The following MSN variants were observed in gnomAD, a reference collection of about 807,000 sequenced individuals.
The protein encoded by MSN is epididymis luminal protein 70.
A neutral mutation model predicts 48.0 loss-of-function variants in MSN; 2 were observed. The ratio of observed to expected loss-of-function variants is 0.04; its 90% CI spans 0.02 to 0.13. The LOEUF (loss-of-function observed/expected upper bound fraction) is 0.13. MSN is among the 10% of genes least tolerant of loss of function. The probability of loss-of-function intolerance (pLI) is 1.00; values close to 1 mark genes in which losing one functional copy is unlikely to be tolerated. For missense variants in MSN, 267 were observed against 470.1 expected (o/e 0.57, Z 3.99); for synonymous variants, 146 against 166.9 (o/e 0.87, Z 0.97).
At chrX:65,603,132 A>G (rs765426629) in intron 1 of MSN, among the ~76,000 whole-genome samples, 1 of 111,686 alleles carries the variant, frequency 9.0e-6, no homozygotes, top group Non-Finnish European at 1.9e-5. Flanking sequence ...CGTCTCTACT[A>G]AAAATACAAA....
chrX:65,721,556 CT>C (rs1339442966), intron 2 of MSN, among the ~76,000 whole-genome samples: 2,941 of 104,213 alleles, frequency 0.028, 101 homozygotes, highest in African/African-American at 0.096. Context: ...GACAGTAAAC[CT>C]TTTTTTTTTT....
At chrX:65,668,409 A>G (rs1271166971) in intron 1 of MSN, among the ~76,000 whole-genome samples, 1 of 111,704 alleles carries the variant, frequency 9.0e-6, no homozygotes, top group Non-Finnish European at 1.9e-5. Context: ...GGAAATCGTC[A>G]TCGAGGCTGC....
At chrX:65,688,702 C>G (rs147982913) in intron 1 of MSN, among the ~76,000 whole-genome samples, 4 of 111,934 alleles carry the variant, frequency 3.6e-5, no homozygotes, top group African/African-American at 1.3e-4. Context: ...TAAGTCAAGA[C>G]TAATGTTTAG....
In MSN at chrX:65,739,886, C is replaced by A; in HGVS notation, c.1727C>A (p.Ser576Tyr). ...AAGCAGCGCATTGACGAATTTGAGT[C>A]TATGTAATGGGCACCCAGCCTCTAG... ...NTKQRIDEFE[S>Y]M is the part of the protein sequence containing the mutation. Residue 576 changes from serine (S) to tyrosine (Y), a missense_variant, in exon 13 of 13, where the codon TCT becomes TAT. Coordinates refer to ENST00000360270, the MANE Select transcript of MSN (RefSeq NM_002444.3). The A allele has an allele frequency of 8.3e-7, 1 of 1,207,863 alleles. No individual in the cohort carries two copies. The highest frequency in any genetic ancestry group is 1.1e-6 in the Non-Finnish European group (1 of 893,563).
intron 1 of MSN, among the ~76,000 whole-genome samples, chrX:65,593,699 C>G (rs1282742846): frequency 8.9e-6 from 1 of 111,802 alleles, no homozygotes; most frequent in Non-Finnish European, 1.9e-5. Flanking sequence ...CATGCCACCA[C>G]TCCCGGCTAA....
At chrX:65,699,483 C>T (rs887161810) in intron 1 of MSN, among the ~76,000 whole-genome samples, 1 of 112,115 alleles carries the variant, frequency 8.9e-6, no homozygotes, top group African/African-American at 3.2e-5. Flanking sequence ...GGAGCGGTGG[C>T]TCACGCCTGT....
chrX:65,691,137 C>T (rs906877248), intron 1 of MSN, among the ~76,000 whole-genome samples: 1 of 111,732 alleles, frequency 8.9e-6, no homozygotes, highest in Non-Finnish European at 1.9e-5. Context: ...ACTTCATTCT[C>T]TGGGGTCCAA....
At chrX:65,615,842 T>A (rs2070366145) in intron 1 of MSN, among the ~76,000 whole-genome samples, 1 of 111,756 alleles carries the variant, frequency 8.9e-6, no homozygotes, top group Admixed American at 9.6e-5. Flanking sequence ...GTTTTAGGTC[T>A]AACGTTTAAG....
intron 1 of MSN, among the ~76,000 whole-genome samples, chrX:65,635,201 T>C (rs2070589494): frequency 9.0e-6 from 1 of 111,463 alleles, no homozygotes. Context: ...TTTCTGTTTG[T>C]TGCTCTGCCT....
At chrX:65,620,024 A>G (rs1360528270) in intron 1 of MSN, among the ~76,000 whole-genome samples, 1 of 111,364 alleles carries the variant, frequency 9.0e-6, no homozygotes, top group Admixed American at 9.5e-5. Context: ...CTGCTCGGGG[A>G]TCAGGGGTCA....
At position 65,731,883 on chromosome X, in the gene MSN, G is replaced by C. The variant is rs201406246; in HGVS notation, c.597G>C (p.Glu199Asp). 2.5e-6 allele frequency: 3 copies of C among 1,208,096 alleles called. No individual in the cohort carries two copies. In the African/African-American group the frequency reaches 5.3e-5, roughly 21 times the overall value. Reference sequence around the variant, plus strand: ...ATCTGAAGATTGCTCAAGATCTGGAGATGTATGGTGTGAACTACTTCAGCA... The same window carrying C: ...ATCTGAAGATTGCTCAAGATCTGGACATGTATGGTGTGAACTACTTCAGCA... ...LEYLKIAQDL[E>D]MYGVNYFSIK... The change falls in exon 6 of 13, where the codon GAG (glutamate) becomes GAC (aspartate). Residue 199 changes from glutamate to aspartate, a missense_variant. By Grantham distance (45) the Glu-to-Asp change is conservative (BLOSUM62 2). Transcript: ENST00000360270.
intron 1 of MSN, among the ~76,000 whole-genome samples, chrX:65,616,917 G>C (rs2070378476): frequency 9.0e-6 from 1 of 110,956 alleles, no homozygotes; most frequent in Non-Finnish European, 1.9e-5. Context: ...TTAGCATGAA[G>C]AGTTGTTGAA....
At chrX:65,670,946 A>G (rs1423727341) in intron 1 of MSN, among the ~76,000 whole-genome samples, 3 of 56,050 alleles carry the variant, frequency 5.4e-5, no homozygotes, top group African/African-American at 2.1e-4. Context: ...ATATATATAT[A>G]TATATATATT....
intron 1 of MSN, among the ~76,000 whole-genome samples, chrX:65,682,211 A>T (rs758699362): frequency 6.2e-5 from 7 of 112,272 alleles, no homozygotes; most frequent in Non-Finnish European, 1.3e-4. Flanking sequence ...ACAGATCTTC[A>T]TGTCTGTCAC....
Position 65,733,185 on chromosome X carries a change from C to T in MSN, c.700C>T (p.Leu234=). 8.3e-7 allele frequency: 1 copy of T among 1,205,703 alleles called. No individual in the cohort carries two copies. The highest frequency in any genetic ancestry group is 1.1e-6 in the Non-Finnish European group (1 of 890,250). ...TGTTATTGGTTTCTATTTCTACAGA[C>T]TAACTCCCAAGATAGGCTTCCCCTG... ...GLNIYEQNDR[L]TPKIGFPWSE... is the part of the protein sequence containing the mutation. Residue 234 remains leucine, a splice_region_variant and synonymous_variant, in exon 7 of 13, where the codon CTA becomes TTA. Transcript: ENST00000360270.
At chrX:65,602,062 T>C (rs1442696769) in intron 1 of MSN, among the ~76,000 whole-genome samples, 2 of 112,110 alleles carry the variant, frequency 1.8e-5, no homozygotes, top group African/African-American at 3.2e-5. Context: ...TTCAAACTTC[T>C]TCCAAAGACC....
At chrX:65,651,266 C>G (rs2148374945) in intron 1 of MSN, among the ~76,000 whole-genome samples, 1 of 102,886 alleles carries the variant, frequency 9.7e-6, no homozygotes, top group Admixed American at 1.1e-4. Context: ...ACCAAAAATA[C>G]AAGACCACAC....
At chrX:65,723,529 G>T (rs2071537732) in intron 2 of MSN, among the ~76,000 whole-genome samples, 1 of 111,741 alleles carries the variant, frequency 8.9e-6, no homozygotes, top group Admixed American at 9.5e-5. Flanking sequence ...TTTCCTCAGG[G>T]ATAGGACCAT....
At chrX:65,730,968 G>T in intron 4 of MSN, 139 bp from the exon 5 acceptor site, 2 of 410,107 alleles carry the variant, frequency 4.9e-6, no homozygotes, top group Non-Finnish European at 8.6e-6. Context: ...CTATAATTTC[G>T]GTCTGCTTCC....
Sources: allele counts gnomAD v4.1 joint callset (sites outside exome capture counted in the v4.1 genomes callset), GRCh38; gene constraint gnomAD v4.1.1; transcripts MANE v1.5; gene names NCBI Gene and HGNC (gene_info 2026-07-23, HGNC 2026-07-21).